DSCAML1: variants seen among roughly 807,000 people sequenced by gnomAD.
DSCAML1 encodes cell adhesion molecule DSCAML1.
In DSCAML1, 38 loss-of-function variants were observed where a neutral mutation model predicts 200.5. The observed-to-expected ratio is 0.19, with a 90% confidence interval of 0.15 to 0.25. The LOEUF is 0.25. Ranked by LOEUF, DSCAML1 falls within the 10% of genes least tolerant of loss-of-function variation. The probability of loss-of-function intolerance (pLI) is 1.00; values close to 1 mark genes in which losing one functional copy is unlikely to be tolerated. For missense variants in DSCAML1, 2,223 were observed against 2,858.8 expected (o/e 0.78, Z 5.07); for synonymous variants, 1,215 against 1,165.0 (o/e 1.04, Z -0.87).
chr11:117,516,513 G>A lies in DSCAML1; in HGVS notation c.1737C>T (p.Ile579=). Residue 579 remains isoleucine (I), a synonymous_variant, in exon 8 of 33, where the codon ATC becomes ATT. Coordinates refer to ENST00000651296, the MANE Select transcript of DSCAML1 (RefSeq NM_020693.4). The surrounding 1 kb of genome is among the most constrained non-coding windows in gnomAD (Gnocchi z 5.7). ...TCTGGCTGATGGAGAGCTGGGGCTG[G>A]ATGAGGACACTGCACAGGTACTCCC... ...DEGEYLCSVL[I]QPQLSISQSV... is the part of the protein sequence containing the mutation. 1 of 1,613,990 alleles carries A rather than the reference G, an allele frequency of 6.2e-7. No homozygotes were observed.
intron 3 of DSCAML1, among the ~76,000 whole-genome samples, chr11:117,543,315 A>G (rs563531): frequency 0.52 from 79,578 of 152,038 alleles, 22,254 homozygotes; most frequent in East Asian, 0.72. Flanking sequence ...GTGTACCTGC[A>G]CTGGCTTGTG....
At chr11:117,515,509 C>T (rs1340320178) in intron 8 of DSCAML1, among the ~76,000 whole-genome samples, 1 of 151,546 alleles carries the variant, frequency 6.6e-6, no homozygotes, top group East Asian at 1.9e-4. Flanking sequence ...TTTATATTCA[C>T]TCATTCATTT....
chr11:117,715,136 A>G (rs975318857), intron 3 of DSCAML1, among the ~76,000 whole-genome samples: 4 of 151,874 alleles, frequency 2.6e-5, no homozygotes, highest in Non-Finnish European at 5.9e-5. Flanking sequence ...AATGGAAACT[A>G]TAACCCACGG....
At chr11:117,804,601 C>T (rs2055693774) in intron 1 of DSCAML1, among the ~76,000 whole-genome samples, 1 of 152,164 alleles carries the variant, frequency 6.6e-6, no homozygotes, top group African/African-American at 2.4e-5. Context: ...TAGACCTTTC[C>T]CTATTCTGGT....
At chr11:117,560,098 T>G (rs2050634196) in intron 3 of DSCAML1, among the ~76,000 whole-genome samples, 1 of 151,840 alleles carries the variant, frequency 6.6e-6, no homozygotes, top group African/African-American at 2.4e-5. Flanking sequence ...GGCTTCTCCC[T>G]TGAAAGAAAG....
intron 1 of DSCAML1, among the ~76,000 whole-genome samples, chr11:117,788,740 C>T (rs1402505416): frequency 1.3e-5 from 2 of 152,188 alleles, no homozygotes; most frequent in Non-Finnish European, 2.9e-5. Context: ...CTACTCAAGA[C>T]TCCATTTTAC....
At chr11:117,477,014 C>T (rs2048807190) in intron 14 of DSCAML1, among the ~76,000 whole-genome samples, 1 of 152,036 alleles carries the variant, frequency 6.6e-6, no homozygotes, top group Non-Finnish European at 1.5e-5. Context: ...CATCACACTC[C>T]CCAAATCCTC....
rs1251431617 is a variant in DSCAML1 at position 117,463,709 on chromosome 11, C to T, written c.3265+1233G>A. Among the ~76,000 whole-genome samples, 1 of 152,154 alleles carries T rather than the reference C, an allele frequency of 6.6e-6. No individual in the cohort carries two copies. The highest frequency in any genetic ancestry group is 1.5e-5 in the Non-Finnish European group (1 of 68,028). On this transcript the variant is annotated intron_variant, in intron 17 of 32. Transcript: ENST00000651296. This position sits in a 1 kb window ranked among gnomAD's most constrained non-coding sequence, Gnocchi z 4.0. ...AGGGCTTGGTTGTGGTGCGGCTCTC[C>T]TCCCTCCCCCTGGACTTCTCTGCCA...
intron 3 of DSCAML1, among the ~76,000 whole-genome samples, chr11:117,724,909 G>C (rs1369036598): frequency 6.6e-6 from 1 of 152,186 alleles, no homozygotes; most frequent in Admixed American, 6.5e-5. Flanking sequence ...TGCAGCAGGA[G>C]GACCCCAGGT....
intron 3 of DSCAML1, among the ~76,000 whole-genome samples, chr11:117,680,521 G>T (rs576269231): frequency 1.3e-5 from 2 of 152,352 alleles, no homozygotes; most frequent in African/African-American, 4.8e-5. Context: ...GCATGGAGGT[G>T]CAGCTCCAGG....
At chr11:117,566,886 T>C (rs1373209651) in intron 3 of DSCAML1, among the ~76,000 whole-genome samples, 1 of 151,864 alleles carries the variant, frequency 6.6e-6, no homozygotes, top group Non-Finnish European at 1.5e-5. Context: ...ATTTCATCCA[T>C]GTCCCTACAA....
rs527822522 is a variant in DSCAML1 at position 117,562,393 on chromosome 11, T to G, written c.512-29871A>C. Among the ~76,000 whole-genome samples the G allele has an allele frequency of 3.9e-5, 6 of 152,352 alleles. 1 individual carries two copies. Among genetic ancestry groups the G allele is most frequent in the African/African-American group, 1.2e-4 (5 of 41,590 alleles). ...GGTGTGTGTGCCAGCCCCATGCAAG[T>G]GCCACGTCTTCTGTGTGCCTTTCCA... is the stretch of plus-strand genomic sequence containing the variant. On this transcript the variant is annotated intron_variant, in intron 3 of 32. Transcript: ENST00000651296.
rs1168634073 is a variant in DSCAML1 at position 117,463,597 on chromosome 11, C to T, written c.3265+1345G>A. Among the ~76,000 whole-genome samples, 1 of 152,160 alleles carries T rather than the reference C, an allele frequency of 6.6e-6. No individual in the cohort carries two copies. Among genetic ancestry groups the T allele is most frequent in the African/African-American group, 2.4e-5 (1 of 41,434 alleles). ...GAACACTCCTGGCACTAAGAGGAGACAAGCTGATCTTCCTCAATCCAGCCA... is the reference window on the plus strand; with the variant it reads ...GAACACTCCTGGCACTAAGAGGAGATAAGCTGATCTTCCTCAATCCAGCCA... On this transcript the variant is annotated intron_variant, in intron 17 of 32. Transcript: ENST00000651296. The surrounding 1 kb of genome is among the most constrained non-coding windows in gnomAD (Gnocchi z 4.0).
chr11:117,582,132 G>T (rs2051050359), intron 3 of DSCAML1, among the ~76,000 whole-genome samples: 1 of 152,238 alleles, frequency 6.6e-6, no homozygotes, highest in Admixed American at 6.5e-5. Context: ...GAAAAGAAAT[G>T]TTAAGTTTCA....
intron 21 of DSCAML1, among the ~76,000 whole-genome samples, chr11:117,440,911 A>T (rs2048031192): frequency 7.9e-6 from 1 of 126,780 alleles, no homozygotes; most frequent in Non-Finnish European, 1.6e-5. Context: ...ACAGAGCAAG[A>T]CTCTGTCTCA....
rs990862744 is a variant in DSCAML1 at position 117,463,321 on chromosome 11, G to C, written c.3265+1621C>G. Among the ~76,000 whole-genome samples, 103 of 151,906 alleles carry C rather than the reference G, an allele frequency of 6.8e-4. No individual in the cohort carries two copies. Among genetic ancestry groups the C allele is most frequent in the Non-Finnish European group, 1.3e-3 (87 of 67,992 alleles). ...GCTATGATTCCCAAAGGTGCTCCCTGGACAAGCAGCATTACCTGGGAACTT... is the reference window on the plus strand; with the variant it reads ...GCTATGATTCCCAAAGGTGCTCCCTCGACAAGCAGCATTACCTGGGAACTT... On this transcript the variant is annotated intron_variant, in intron 17 of 32. Transcript: ENST00000651296. This position sits in a 1 kb window ranked among gnomAD's most constrained non-coding sequence, Gnocchi z 4.0.
intron 11 of DSCAML1, among the ~76,000 whole-genome samples, chr11:117,500,243 T>C (rs549329422): frequency 6.6e-6 from 1 of 152,370 alleles, no homozygotes; most frequent in Non-Finnish European, 1.5e-5. Flanking sequence ...AGAGTTAAAA[T>C]TGATGACTCT....
At chr11:117,671,675 C>T (rs1248876842) in intron 3 of DSCAML1, among the ~76,000 whole-genome samples, 1 of 152,150 alleles carries the variant, frequency 6.6e-6, no homozygotes, top group East Asian at 1.9e-4. Context: ...TTCTATCACA[C>T]CTACAGTCAG....
Position 117,632,803 on chromosome 11 carries a change from T to C in DSCAML1, c.512-100281A>G, listed in dbSNP as rs567987942. Among the ~76,000 whole-genome samples the C allele has an allele frequency of 2.2e-3, 335 of 152,362 alleles. 2 individuals carry two copies. The highest frequency in any genetic ancestry group is 7.9e-3 in the African/African-American group (328 of 41,582). On this transcript the variant is annotated intron_variant, in intron 3 of 32. Transcript: ENST00000651296. ...CTAATTAATTCATAATAATAGTAAC[T>C]ACCATTTATTATGTGCCAGGCATCA...
Sources: allele counts gnomAD v4.1 joint callset (sites outside exome capture counted in the v4.1 genomes callset), GRCh38; gene constraint gnomAD v4.1.1; non-coding constraint Gnocchi (gnomAD v3.1); transcripts MANE v1.5; gene names NCBI Gene and HGNC (gene_info 2026-07-23, HGNC 2026-07-21).